The following MYO16 variants were observed in gnomAD, a reference collection of about 807,000 sequenced individuals.
MYO16 encodes the protein unconventional myosin-XVI.
MYO16 carries 94 observed loss-of-function variants against 205.3 expected under a neutral mutation model. The ratio of observed to expected loss-of-function variants is 0.46; its 90% CI spans 0.39 to 0.54. The LOEUF is 0.54. Ranked by LOEUF, MYO16 falls within the 20% of genes least tolerant of loss-of-function variation. The probability of loss-of-function intolerance (pLI) is 0.00; values close to 1 mark genes in which losing one functional copy is unlikely to be tolerated. For synonymous variants in MYO16, 988 were observed against 954.0 expected, an observed-to-expected ratio of 1.04 and a Z score of -0.66; for missense variants, 2,315 against 2,387.5, an observed-to-expected ratio of 0.97 and a Z score of 0.63.
At chr13:109,036,819 T>C (rs761854577) in intron 23 of MYO16, among the ~76,000 whole-genome samples, 27 of 152,204 alleles carry the variant, frequency 1.8e-4, no homozygotes, top group Non-Finnish European at 3.5e-4. Flanking sequence ...AGATCAGTTA[T>C]GTAAAGAGAG....
At chr13:108,963,571 A>G (rs551834744) in intron 19 of MYO16, among the ~76,000 whole-genome samples, 1 of 152,172 alleles carries the variant, frequency 6.6e-6, no homozygotes, top group East Asian at 1.9e-4. Context: ...CCCTCCTTCC[A>G]CACTACTTCT....
intron 2 of MYO16, among the ~76,000 whole-genome samples, chr13:108,686,560 C>T (rs148277091): frequency 1.3e-3 from 203 of 152,274 alleles, no homozygotes; most frequent in African/African-American, 4.3e-3. Context: ...GAGGTGATCA[C>T]ACGTCAGCTC....
At chr13:108,739,447 G>A (rs1285110342) in intron 4 of MYO16, among the ~76,000 whole-genome samples, 1 of 152,184 alleles carries the variant, frequency 6.6e-6, no homozygotes, top group Non-Finnish European at 1.5e-5. Flanking sequence ...TTCTCTTTAA[G>A]AATGTTGAAT....
intron 9 of MYO16, among the ~76,000 whole-genome samples, chr13:108,843,844 G>A (rs1353125664): frequency 6.6e-6 from 1 of 151,964 alleles, no homozygotes; most frequent in Non-Finnish European, 1.5e-5. Flanking sequence ...TAATATTGCA[G>A]TCCTTAAAGA....
At chr13:109,166,944 C>A (rs1013871192) in intron 33 of MYO16, 1 of 152,148 alleles carries the variant, frequency 6.6e-6, no homozygotes, top group Non-Finnish European at 1.5e-5. Context: ...CATGAGACAG[C>A]AATCAAGCTG....
chr13:108,852,192 T>A (rs1877910295), intron 10 of MYO16, among the ~76,000 whole-genome samples: 2 of 152,240 alleles, frequency 1.3e-5, no homozygotes, highest in Admixed American at 1.3e-4. Context: ...CATTTTGTAC[T>A]TGTCATTTCT....
the MYO16 span, among the ~76,000 whole-genome samples, chr13:108,543,740 C>CT: frequency 8.0e-6 from 1 of 125,138 alleles, no homozygotes; most frequent in Non-Finnish European, 1.6e-5. Flanking sequence ...TCCTTTTTTT[C>CT]TTTTTTTTTT....
At chr13:108,683,358 C>CTA (rs1882542394) in intron 2 of MYO16, among the ~76,000 whole-genome samples, 4 of 152,032 alleles carry the variant, frequency 2.6e-5, no homozygotes, top group Non-Finnish European at 5.9e-5. Flanking sequence ...TCCTCCTGTT[C>CTA]TATAGTAGCC....
chr13:108,815,198 G>A (rs1287152143), intron 7 of MYO16, among the ~76,000 whole-genome samples: 1 of 152,180 alleles, frequency 6.6e-6, no homozygotes, highest in Non-Finnish European at 1.5e-5. Flanking sequence ...ATATGCAGTT[G>A]TCATTGAGAC....
chr13:108,983,245 C>G (rs1208065402), intron 20 of MYO16, among the ~76,000 whole-genome samples: 2 of 152,192 alleles, frequency 1.3e-5, no homozygotes, highest in East Asian at 3.9e-4. Context: ...TCCTCTTTCT[C>G]TCTCCTGTCT....
At chr13:109,138,977 C>T (rs555550175) in intron 31 of MYO16, among the ~76,000 whole-genome samples, 40 of 152,186 alleles carry the variant, frequency 2.6e-4, no homozygotes, top group African/African-American at 9.4e-4. Flanking sequence ...TGCCACCTCG[C>T]CCAGCTAATT....
intron 9 of MYO16, among the ~76,000 whole-genome samples, chr13:108,835,011 C>T (rs1876828313): frequency 6.6e-6 from 1 of 152,114 alleles, no homozygotes; most frequent in South Asian, 2.1e-4. Context: ...CCTAGCTGTA[C>T]AATTTGCACT....
intron 2 of MYO16, among the ~76,000 whole-genome samples, chr13:108,687,499 T>C (rs1283122369): frequency 2.0e-5 from 3 of 146,504 alleles, no homozygotes; most frequent in Non-Finnish European, 4.5e-5. Context: ...ACTTTAAGAT[T>C]CAAAATTCCT....
intron 32 of MYO16, among the ~76,000 whole-genome samples, chr13:109,157,690 C>T (rs1001072823): frequency 2.6e-5 from 4 of 152,108 alleles, no homozygotes; most frequent in Non-Finnish European, 5.9e-5. Flanking sequence ...GAAAAGCACC[C>T]CTTAGAATGC....
chr13:108,498,333 A>T, the MYO16 span, among the ~76,000 whole-genome samples: 3 of 152,054 alleles, frequency 2.0e-5, no homozygotes, highest in Admixed American at 2.0e-4. Context: ...TTTTTTCAAG[A>T]TCACACAGCT....
At chr13:108,954,252 A>AT (rs369694749) in intron 16 of MYO16, among the ~76,000 whole-genome samples, 10 of 151,790 alleles carry the variant, frequency 6.6e-5, no homozygotes, top group Admixed American at 2.0e-4. Context: ...TGTAAAAGAA[A>AT]TTTTTTTTTG....
At chr13:108,542,109 C>T in the MYO16 span, among the ~76,000 whole-genome samples, 2 of 152,098 alleles carry the variant, frequency 1.3e-5, no homozygotes, top group Non-Finnish European at 2.9e-5. Context: ...GGTACATATA[C>T]ATCATGGACC....
chr13:109,179,634 G>T lies in MYO16; in HGVS notation c.5415+1G>T. 6.2e-7 allele frequency: 1 copy of T among 1,609,298 alleles called. No individual in the cohort carries two copies. The highest frequency in any genetic ancestry group is 8.5e-7 in the Non-Finnish European group (1 of 1,175,732). Reference sequence around the variant, plus strand: ...ACACAGGGACAGTCACACCACTCAGGTAATGATGTCTGTCTGTTCACATGT... The same window carrying T: ...ACACAGGGACAGTCACACCACTCAGTTAATGATGTCTGTCTGTTCACATGT... On this transcript the variant is annotated splice_donor_variant, in intron 34 of 34. Coordinates refer to ENST00000457511, the MANE Select transcript of MYO16 (RefSeq NM_001198950.3). LOFTEE classifies it high-confidence loss of function.
chr13:108,855,290 T>TG, intron 10 of MYO16, 153 bp from the exon 11 acceptor site: 3 of 393,834 alleles, frequency 7.6e-6, no homozygotes, highest in Non-Finnish European at 9.0e-6. Context: ...TTTTTTTTTT[T>TG]CTTTTTCATT....
Sources: gnomAD v4.1 joint callset for allele counts (sites outside exome capture counted in the v4.1 genomes callset) on GRCh38, gnomAD v4.1.1 for gene constraint, MANE v1.5 for transcripts, NCBI Gene and HGNC (gene_info 2026-07-23, HGNC 2026-07-21) for gene names.